The following PTPRD variants were observed in gnomAD, a reference collection of about 807,000 sequenced individuals.
PTPRD encodes the protein protein tyrosine phosphatase receptor type D.
Under a neutral mutation model 214.5 loss-of-function variants are expected in PTPRD, and 34 were observed. That is an observed-to-expected ratio of 0.16 (90% CI 0.12 to 0.21). PTPRD has a LOEUF of 0.21. Ranked by LOEUF, PTPRD falls within the 10% of genes least tolerant of loss-of-function variation. The probability of loss-of-function intolerance (pLI) is 1.00; values close to 1 mark genes in which losing one functional copy is unlikely to be tolerated. For missense variants in PTPRD, 2,545 were observed against 2,398.7 expected, an observed-to-expected ratio of 1.06 and a Z score of -1.27; for synonymous variants, 1,128 against 845.7, an observed-to-expected ratio of 1.33 and a Z score of -5.79.
At chr9:9,664,589 G>T (rs2096680240) in intron 7 of PTPRD, among the ~76,000 whole-genome samples, 1 of 151,636 alleles carries the variant, frequency 6.6e-6, no homozygotes, top group African/African-American at 2.4e-5. Context: ...AAGCTCTTTT[G>T]TTAGACAGTT....
rs375794553 is a variant in PTPRD, at chr9:10,348,578, A to G, written c.-599-7561T>C. ...AAAGCATAAAACTTGTCTTCTCTGT[A>G]TTAAAAATGTACCTTTTAGTATATG... is the stretch of plus-strand genomic sequence containing the variant. On this transcript the variant is annotated intron_variant, in intron 2 of 45. Transcript: ENST00000381196. Among the ~76,000 whole-genome samples the G allele has an allele frequency of 7.5e-4, 114 of 152,314 alleles. 2 individuals carry two copies. The South Asian group carries it at 0.021, about 28-fold the overall frequency.
At chr9:9,174,861 G>T (rs7868814) in intron 10 of PTPRD, among the ~76,000 whole-genome samples, 141,003 of 151,760 alleles carry the variant, frequency 0.93, 65,508 homozygotes, top group South Asian at 0.97. Flanking sequence ...ACTGAATGTT[G>T]CTAGCTCACC....
chr9:10,050,841 T>G (rs2097523734), intron 3 of PTPRD, among the ~76,000 whole-genome samples: 1 of 152,020 alleles, frequency 6.6e-6, no homozygotes, highest in African/African-American at 2.4e-5. Context: ...CCATACATAC[T>G]GGACTCCAAA....
chr9:10,535,952 T>A (rs1322011241), intron 2 of PTPRD, among the ~76,000 whole-genome samples: 1 of 152,142 alleles, frequency 6.6e-6, no homozygotes, highest in Non-Finnish European at 1.5e-5. Context: ...AAACAGTTGG[T>A]TTTGGGCTTC....
intron 11 of PTPRD, among the ~76,000 whole-genome samples, chr9:8,924,280 C>T (rs1240994274): frequency 6.6e-6 from 1 of 152,008 alleles, no homozygotes; most frequent in Non-Finnish European, 1.5e-5. Flanking sequence ...TGATATTTTT[C>T]CTTAACAAGC....
rs372589819 is a variant in PTPRD at position 10,434,855 on chromosome 9, T to C, written c.-599-93838A>G. Among the ~76,000 whole-genome samples the C allele has an allele frequency of 4.6e-5, 7 of 152,006 alleles. No individual in the cohort carries two copies. The East Asian group carries it at 7.8e-4, about 17-fold the overall frequency. ...TTTTATGAATCTTATAAATCTGGAC[T>C]GGTTATGGCTCCCAGTTAACATGAT... On this transcript the variant is annotated intron_variant, in intron 2 of 45. Transcript: ENST00000381196.
chr9:10,289,949 A>C (rs1394084051), intron 3 of PTPRD, among the ~76,000 whole-genome samples: 2 of 152,074 alleles, frequency 1.3e-5, no homozygotes, highest in Non-Finnish European at 2.9e-5. Flanking sequence ...TTATAGTTAA[A>C]TTTTCATATA....
At chr9:9,760,653 C>CACACAT (rs1565055400) in intron 6 of PTPRD, among the ~76,000 whole-genome samples, 2 of 61,330 alleles carry the variant, frequency 3.3e-5, no homozygotes, top group African/African-American at 1.2e-4. Context: ...CACACACACA[C>CACACAT]ATATATATAT....
intron 8 of PTPRD, among the ~76,000 whole-genome samples, chr9:9,425,319 T>G (rs1339610531): frequency 6.6e-6 from 1 of 150,688 alleles, no homozygotes; most frequent in East Asian, 1.9e-4. Context: ...TAACAAACTT[T>G]GATGATGGTG....
intron 37 of PTPRD, among the ~76,000 whole-genome samples, chr9:8,380,343 T>C (rs1397594821): frequency 6.6e-6 from 1 of 152,098 alleles, no homozygotes; most frequent in Non-Finnish European, 1.5e-5. Flanking sequence ...TCTTCATCTA[T>C]GTGGGCCCCA....
chr9:10,334,527 C>T (rs1249518028), intron 3 of PTPRD, among the ~76,000 whole-genome samples: 1 of 151,246 alleles, frequency 6.6e-6, no homozygotes, highest in Non-Finnish European at 1.5e-5. Context: ...TATTCCCTCT[C>T]AATATTCATT....
chr9:10,437,058 CACA>C (rs989120400), intron 2 of PTPRD, among the ~76,000 whole-genome samples: 33 of 151,788 alleles, frequency 2.2e-4, no homozygotes, highest in African/African-American at 7.2e-4. Context: ...ACCTTCTTAG[CACA>C]ACAACTTGAC....
intron 11 of PTPRD, among the ~76,000 whole-genome samples, chr9:8,743,976 A>G (rs560735810): frequency 5.4e-4 from 82 of 152,110 alleles, no homozygotes; most frequent in South Asian, 1.0e-3. Flanking sequence ...TGGGCTAAGG[A>G]TATGAACAGA....
intron 7 of PTPRD, among the ~76,000 whole-genome samples, chr9:9,621,051 G>A (rs915418731): frequency 6.6e-5 from 10 of 152,140 alleles, no homozygotes; most frequent in Middle Eastern, 3.2e-3. Context: ...TTAGTCTGCA[G>A]TGGGAGGTAA....
chr9:10,555,593 G>C (rs1465300812), intron 2 of PTPRD, among the ~76,000 whole-genome samples: 1 of 152,042 alleles, frequency 6.6e-6, no homozygotes, highest in Non-Finnish European at 1.5e-5. Context: ...CCTACAAAAG[G>C]CAAGAATACT....
intron 12 of PTPRD, among the ~76,000 whole-genome samples, chr9:8,726,696 G>C (rs2098578418): frequency 1.5e-5 from 2 of 135,602 alleles, no homozygotes; most frequent in African/African-American, 5.5e-5. Flanking sequence ...AGCTACTTGG[G>C]AGGCTAAGGC....
chr9:8,931,584 C>T (rs2098953001), intron 11 of PTPRD, among the ~76,000 whole-genome samples: 1 of 152,130 alleles, frequency 6.6e-6, no homozygotes. Flanking sequence ...TTGATTCTTC[C>T]TATCCATGAG....
chr9:8,380,273 T>TG (rs1178258625), intron 37 of PTPRD, among the ~76,000 whole-genome samples: 1 of 152,166 alleles, frequency 6.6e-6, no homozygotes, highest in African/African-American at 2.4e-5. Flanking sequence ...ACTGACTAAG[T>TG]GGGGTGTTTC....
At chr9:8,986,461 T>A (rs902473879) in intron 11 of PTPRD, among the ~76,000 whole-genome samples, 1 of 151,778 alleles carries the variant, frequency 6.6e-6, no homozygotes, top group Non-Finnish European at 1.5e-5. Flanking sequence ...TGCATATATG[T>A]CATATTTTTT....
Sources: gnomAD v4.1 joint callset for allele counts (sites outside exome capture counted in the v4.1 genomes callset) on GRCh38, gnomAD v4.1.1 for gene constraint, MANE v1.5 for transcripts, NCBI Gene and HGNC (gene_info 2026-07-23, HGNC 2026-07-21) for gene names.